The following TMEM254 variants were observed in gnomAD, a reference collection of about 807,000 sequenced individuals.
TMEM254 encodes the protein transmembrane protein 254, also known as transmembrane protein C10orf57.
A neutral mutation model predicts 13.9 loss-of-function variants in TMEM254; 16 were observed. The observed-to-expected ratio is 1.15, with a 90% CI of 0.78 to 1.75. The LOEUF (loss-of-function observed/expected upper bound fraction) is 1.75, where lower values mean the gene tolerates loss of function less well. Ranked by LOEUF, TMEM254 falls within the 40% of genes most tolerant of loss-of-function variation. The probability of loss-of-function intolerance (pLI) is 0.00; values close to 1 mark genes in which losing one functional copy is unlikely to be tolerated. For synonymous variants in TMEM254, 61 were observed against 56.4 expected, an observed-to-expected ratio of 1.08 and a Z score of -0.36; for missense variants, 155 against 149.0, an observed-to-expected ratio of 1.04 and a Z score of -0.21.
At chr10:80,086,131 A>G in intron 3 of TMEM254, 1 of 678,786 alleles carries the variant, frequency 1.5e-6, no homozygotes, top group Non-Finnish European at 2.2e-6. Context: ...GTGTACTCAC[A>G]AAGAGATTTT....
chr10:80,087,758 C>T (rs1234593076), intron 3 of TMEM254, among the ~76,000 whole-genome samples: 1 of 152,128 alleles, frequency 6.6e-6, no homozygotes. Flanking sequence ...TGATAGTGCC[C>T]ATTTCCCCAC....
rs1844052712 is a variant in TMEM254, at chr10:80,081,897, C to G, written c.144C>G (p.Pro48=). 1 of 1,614,214 alleles carries G rather than the reference C, an allele frequency of 6.2e-7. No individual in the cohort carries two copies. Among genetic ancestry groups the G allele is most frequent in the Non-Finnish European group, 8.5e-7 (1 of 1,180,030 alleles). The stretch of plus-strand genomic sequence containing the variant: ...ATCAGAACCTTGGGCCCCTGGGCCC[C>G]TTCACTCAGTACTTGGTGGACCACC... ...IPYQNLGPLG[P]FTQYLVDHHH... is the part of the protein sequence containing the mutation. Residue 48 remains proline (P), a synonymous_variant, in exon 2 of 4, where the codon CCC becomes CCG. Coordinates refer to ENST00000372281, the MANE Select transcript of TMEM254 (RefSeq NM_025125.4).
intron 3 of TMEM254, 48 bp downstream of exon 3, chr10:80,082,252 A>G: frequency 1.9e-6 from 3 of 1,595,930 alleles, no homozygotes; most frequent in South Asian, 2.2e-5. Context: ...AGTAGCTAAT[A>G]TAAATTGAGA....
At chr10:80,080,712 G>A (rs143530039) in intron 1 of TMEM254, among the ~76,000 whole-genome samples, 4,915 of 152,190 alleles carry the variant, frequency 0.032, 103 homozygotes, top group South Asian at 0.057. Flanking sequence ...GCCGAGGCGG[G>A]CAAATCGCTT....
chr10:80,090,093 T>C (rs1186797857), intron 3 of TMEM254, among the ~76,000 whole-genome samples: 1 of 152,188 alleles, frequency 6.6e-6, no homozygotes, highest in Admixed American at 6.5e-5. Flanking sequence ...TCTGTTACTG[T>C]AGAAAATTAT....
At position 80,078,868 on chromosome 10, in the gene TMEM254, G is replaced by A. The variant is rs1041944701; in HGVS notation, c.87+82G>A. ...CCCAGGACCTGGGCTCACAGGCCGC[G>A]GGCCGGGGGAAGTCGTGCAAGCACA... is the stretch of plus-strand genomic sequence containing the variant. On this transcript the variant is annotated intron_variant, in intron 1 of 3. Transcript: ENST00000372281. The A allele has an allele frequency of 1.7e-5, 26 of 1,537,234 alleles. No individual in the cohort carries two copies. The South Asian group carries it at 2.9e-4, about 17-fold the overall frequency.
intron 3 of TMEM254, among the ~76,000 whole-genome samples, chr10:80,084,140 A>T (rs1844194862): frequency 6.6e-6 from 1 of 152,118 alleles, no homozygotes; most frequent in South Asian, 2.1e-4. Flanking sequence ...GTGATCAGGC[A>T]GCTAGGTACT....
chr10:80,079,253 C>G, intron 1 of TMEM254: 6 of 1,237,852 alleles, frequency 4.8e-6, no homozygotes, highest in Non-Finnish European at 6.3e-6. Flanking sequence ...GCGAGGGGAG[C>G]TCTGGGAACG....
intron 1 of TMEM254, chr10:80,078,997 G>C (rs1354431190): frequency 1.3e-6 from 2 of 1,538,680 alleles, no homozygotes; most frequent in South Asian, 1.2e-5. Flanking sequence ...CCAGGGCCCT[G>C]AGAAACCGGC....
At chr10:80,081,526 G>C in intron 1 of TMEM254, 1 of 652,638 alleles carries the variant, frequency 1.5e-6, no homozygotes. Context: ...AAAGTAGCTG[G>C]GCATGGTGGC....
In TMEM254 at chr10:80,090,969, T is replaced by A; in HGVS notation, c.*52T>A. 1 of 1,602,318 alleles carries A rather than the reference T, an allele frequency of 6.2e-7. No homozygotes were observed. The highest frequency in any genetic ancestry group is 8.5e-7 in the Non-Finnish European group (1 of 1,175,540). On this transcript the variant is annotated 3_prime_UTR_variant, in exon 4 of 4. Coordinates refer to ENST00000372281, the MANE Select transcript of TMEM254 (RefSeq NM_025125.4). ...TTTACATTCATCCTCACCCTTTTTT[T>A]TGTGGGGTAGAGGAGGTGCAGTAAT...
chr10:80,088,618 T>C (rs1354085088), intron 3 of TMEM254, among the ~76,000 whole-genome samples: 1 of 151,624 alleles, frequency 6.6e-6, no homozygotes, highest in Non-Finnish European at 1.5e-5. Context: ...TGAGATGTTA[T>C]TATAAATGAC....
At chr10:80,079,005 G>A (rs1459972574) in intron 1 of TMEM254, 2 of 1,534,480 alleles carry the variant, frequency 1.3e-6, no homozygotes, top group African/African-American at 2.8e-5. Context: ...CTGAGAAACC[G>A]GCTAGCCAGG....
At chr10:80,085,802 C>T (rs1476085613) in intron 3 of TMEM254, among the ~76,000 whole-genome samples, 3 of 152,108 alleles carry the variant, frequency 2.0e-5, no homozygotes, top group African/African-American at 7.2e-5. Context: ...AATAGTATCT[C>T]TTTGAGGCCA....
rs535561874 is a variant in TMEM254 at position 80,090,546 on chromosome 10, T to C, written c.252-251T>C. On this transcript the variant is annotated intron_variant, in intron 3 of 3. Coordinates refer to ENST00000372281, the MANE Select transcript of TMEM254 (RefSeq NM_025125.4). ...CAGAATCACATGAGAAACAGTCTTA[T>C]AATACTGTGCCCTAGACAGTAGCCA... is the stretch of plus-strand genomic sequence containing the variant. 3.2e-5 allele frequency: 22 copies of C among 683,202 alleles called. No individual in the cohort carries two copies. The East Asian group carries it at 5.1e-4, about 16-fold the overall frequency. The allele number at this position is 683,202 out of a possible 1,614,324, so 42.3% of individuals were successfully genotyped here. A position where few individuals can be genotyped will look rare whatever the true frequency, so the allele number is the denominator to read the frequency against.
intron 3 of TMEM254, among the ~76,000 whole-genome samples, chr10:80,083,683 C>A (rs1589383238): frequency 1.3e-5 from 2 of 152,180 alleles, no homozygotes; most frequent in African/African-American, 4.8e-5. Context: ...CAGTTGATAT[C>A]TTCTCTTGCA....
chr10:80,079,132 C>A, intron 1 of TMEM254: 1 of 1,330,580 alleles, frequency 7.5e-7, no homozygotes, highest in Non-Finnish European at 9.9e-7. Flanking sequence ...TATTTCCGTC[C>A]AGCAAGACCC....
chr10:80,089,728 G>A (rs1844484870), intron 3 of TMEM254, among the ~76,000 whole-genome samples: 2 of 152,000 alleles, frequency 1.3e-5, no homozygotes, highest in Non-Finnish European at 2.9e-5. Flanking sequence ...ATGCAGCCGG[G>A]CGTGGTGGCT....
At chr10:80,082,269 A>G in intron 3 of TMEM254, 65 bp downstream of exon 3, 1 of 1,555,600 alleles carries the variant, frequency 6.4e-7, no homozygotes, top group Non-Finnish European at 8.9e-7. Flanking sequence ...GAGAGCAGCC[A>G]CATTTAAATA....
Sources: allele counts gnomAD v4.1 joint callset (sites outside exome capture counted in the v4.1 genomes callset), GRCh38; gene constraint gnomAD v4.1.1; transcripts MANE v1.5; gene names NCBI Gene and HGNC (gene_info 2026-07-23, HGNC 2026-07-21).